SDC2: variants seen among roughly 807,000 people sequenced by gnomAD.
SDC2 encodes syndecan-2.
SDC2 carries 13 observed loss-of-function variants against 22.2 expected under a neutral mutation model. That is an observed-to-expected ratio of 0.59 (90% CI 0.38 to 0.93). The LOEUF (loss-of-function observed/expected upper bound fraction) is 0.93, where lower values mean the gene tolerates loss of function less well. SDC2 is among the 40% of genes least tolerant of loss of function. The pLI is 0.00. For synonymous variants in SDC2, 94 were observed against 92.8 expected, an observed-to-expected ratio of 1.01 and a Z score of -0.07; for missense variants, 235 against 246.8, an observed-to-expected ratio of 0.95 and a Z score of 0.32.
intron 1 of SDC2, among the ~76,000 whole-genome samples, chr8:96,496,533 T>G (rs1351892757): frequency 2.0e-5 from 3 of 152,206 alleles, no homozygotes. Context: ...TTAAATTACT[T>G]TTCAGTCTCC....
Position 96,597,537 on chromosome 8 carries a change from A to G in SDC2, c.172+3946A>G, listed in dbSNP as rs1343910589. Among the ~76,000 whole-genome samples, 7 of 152,354 alleles carry G rather than the reference A, an allele frequency of 4.6e-5. 1 individual carries two copies. In the East Asian group the frequency reaches 1.3e-3, roughly 29 times the overall value. ...ATATTTAGGAAAAACTTGTAACATGAGAGAAAGAGAAACCCCCAAATTGGG... is the reference window on the plus strand; with the variant it reads ...ATATTTAGGAAAAACTTGTAACATGGGAGAAAGAGAAACCCCCAAATTGGG... On this transcript the variant is annotated intron_variant, in intron 2 of 4. Transcript: ENST00000302190.
Position 96,611,466 on chromosome 8 carries a change from A to G in SDC2, c.*1918A>G, listed in dbSNP as rs973878963. 12 of 152,626 alleles carry G rather than the reference A, an allele frequency of 7.9e-5. No individual in the cohort carries two copies. Among genetic ancestry groups the G allele is most frequent in the Non-Finnish European group, 1.6e-4 (11 of 68,032 alleles). 9.5% of individuals were successfully genotyped at this position (152,626 alleles called of 1,614,324 possible). ...ACACTTGGAACAGTGTTTACTTTAA[A>G]TCCTTAATGGCCTTAATTAATTCTC... is the stretch of plus-strand genomic sequence containing the variant. On this transcript the variant is annotated 3_prime_UTR_variant, in exon 5 of 5. Coordinates refer to ENST00000302190, the MANE Select transcript of SDC2 (RefSeq NM_002998.4).
At chr8:96,512,301 TCTC>T (rs1407110852) in intron 1 of SDC2, among the ~76,000 whole-genome samples, 1 of 152,180 alleles carries the variant, frequency 6.6e-6, no homozygotes, top group African/African-American at 2.4e-5. Context: ...AGGAGCGACT[TCTC>T]CTCTGGTGGT....
intron 1 of SDC2, among the ~76,000 whole-genome samples, chr8:96,500,694 A>G (rs560334009): frequency 1.2e-4 from 18 of 150,726 alleles, no homozygotes; most frequent in African/African-American, 3.9e-4. Context: ...GTGGAAATGC[A>G]TTAAATTTCT....
At chr8:96,565,920 G>A (rs1814292744) in intron 1 of SDC2, among the ~76,000 whole-genome samples, 1 of 151,302 alleles carries the variant, frequency 6.6e-6, no homozygotes, top group African/African-American at 2.4e-5. Context: ...GATTCATATT[G>A]TTAGTGAAAA....
intron 1 of SDC2, among the ~76,000 whole-genome samples, chr8:96,500,796 A>G (rs1178221951): frequency 6.6e-6 from 1 of 152,136 alleles, no homozygotes; most frequent in Non-Finnish European, 1.5e-5. Context: ...TTTAGCAACA[A>G]GGATGGAGGG....
intron 2 of SDC2, among the ~76,000 whole-genome samples, chr8:96,601,632 T>TC (rs1274910733): frequency 2.3e-5 from 2 of 87,342 alleles, no homozygotes; most frequent in African/African-American, 4.6e-5. Flanking sequence ...AGGGCAAGAC[T>TC]CCATCTCCAA....
At chr8:96,548,233 A>G (rs1331460901) in intron 1 of SDC2, among the ~76,000 whole-genome samples, 1 of 152,270 alleles carries the variant, frequency 6.6e-6, no homozygotes, top group African/African-American at 2.4e-5. Flanking sequence ...TGCAGAAATT[A>G]AAATCAAAAT....
chr8:96,608,545 G>T, intron 4 of SDC2, 75 bp downstream of exon 4: 2 of 1,314,202 alleles, frequency 1.5e-6, no homozygotes, highest in Non-Finnish European at 2.1e-6. Flanking sequence ...ATTCAAAAGT[G>T]CAGCAAAGCT....
chr8:96,554,017 T>C (rs1027471390), intron 1 of SDC2, among the ~76,000 whole-genome samples: 8 of 152,174 alleles, frequency 5.3e-5, no homozygotes, highest in Non-Finnish European at 1.2e-4. Flanking sequence ...CTTGAACTCC[T>C]GGAATCAAAC....
chr8:96,569,846 T>A (rs566267028), intron 1 of SDC2, among the ~76,000 whole-genome samples: 1 of 152,214 alleles, frequency 6.6e-6, no homozygotes, highest in South Asian at 2.1e-4. Flanking sequence ...TTAGAGTGGC[T>A]CCTGGAGGCG....
At chr8:96,576,085 A>C (rs1051319089) in intron 1 of SDC2, among the ~76,000 whole-genome samples, 3 of 152,130 alleles carry the variant, frequency 2.0e-5, no homozygotes, top group African/African-American at 7.2e-5. Context: ...CGATCCCCAC[A>C]CACAAATACA....
At chr8:96,527,923 T>C (rs376412335) in intron 1 of SDC2, among the ~76,000 whole-genome samples, 1 of 152,312 alleles carries the variant, frequency 6.6e-6, no homozygotes, top group Admixed American at 6.5e-5. Context: ...GATATATTTA[T>C]AATAGAAAAA....
intron 1 of SDC2, among the ~76,000 whole-genome samples, chr8:96,568,382 A>G (rs1814335347): frequency 1.3e-5 from 2 of 152,264 alleles, no homozygotes; most frequent in African/African-American, 4.8e-5. Context: ...ACACATAACC[A>G]TAACCTGTCA....
At chr8:96,581,813 G>T (rs1023904720) in intron 1 of SDC2, among the ~76,000 whole-genome samples, 2 of 151,938 alleles carry the variant, frequency 1.3e-5, no homozygotes, top group African/African-American at 4.8e-5. Context: ...AGCTGATGAA[G>T]TATTTGTCAT....
At chr8:96,530,475 A>T (rs540867003) in intron 1 of SDC2, among the ~76,000 whole-genome samples, 1 of 152,130 alleles carries the variant, frequency 6.6e-6, no homozygotes, top group Non-Finnish European at 1.5e-5. Context: ...CTCTACTAAA[A>T]ATATAAAAAT....
chr8:96,521,527 T>C (rs1813497074), intron 1 of SDC2, among the ~76,000 whole-genome samples: 1 of 152,134 alleles, frequency 6.6e-6, no homozygotes. Flanking sequence ...CTGGAGAAGG[T>C]AGGTGGGCTC....
At chr8:96,495,406 C>T (rs572771042) in intron 1 of SDC2, among the ~76,000 whole-genome samples, 7 of 152,150 alleles carry the variant, frequency 4.6e-5, no homozygotes, top group Non-Finnish European at 7.3e-5. Context: ...GCCTCCTTGG[C>T]CTCCTCTCGT....
intron 1 of SDC2, among the ~76,000 whole-genome samples, chr8:96,556,057 T>TACACACACAC (rs753567813): frequency 6.8e-6 from 1 of 147,642 alleles, no homozygotes; most frequent in African/African-American, 2.5e-5. Context: ...CACACACACA[T>TACACACACAC]ACACACACAC....
Sources: allele counts gnomAD v4.1 joint callset (sites outside exome capture counted in the v4.1 genomes callset), GRCh38; gene constraint gnomAD v4.1.1; transcripts MANE v1.5; gene names NCBI Gene and HGNC (gene_info 2026-07-23, HGNC 2026-07-21).